HTR1E: variants seen among roughly 807,000 people sequenced by gnomAD.
The protein encoded by HTR1E is 5-hydroxytryptamine receptor 1E.
Under a neutral mutation model 3.4 loss-of-function variants are expected in HTR1E, and 3 were observed. The observed-to-expected ratio is 0.89, with a 90% CI of 0.41 to 2.31. The LOEUF (loss-of-function observed/expected upper bound fraction) is 2.31, where lower values mean the gene tolerates loss of function less well. HTR1E is among the 30% of genes most tolerant of loss of function. HTR1E has a pLI of 0.05. For synonymous variants in HTR1E, 170 were observed against 182.8 expected, an observed-to-expected ratio of 0.93 and a Z score of 0.56; for missense variants, 392 against 467.0, an observed-to-expected ratio of 0.84 and a Z score of 1.48.
intron 1 of HTR1E, among the ~76,000 whole-genome samples, chr6:86,979,973 C>G: frequency 6.6e-6 from 1 of 152,126 alleles, no homozygotes; most frequent in East Asian, 1.9e-4. Flanking sequence ...ATAAATACCC[C>G]ATTCTCACTC....
At chr6:86,979,675 C>G (rs1767684403) in intron 1 of HTR1E, among the ~76,000 whole-genome samples, 1 of 151,902 alleles carries the variant, frequency 6.6e-6, no homozygotes, top group Non-Finnish European at 1.5e-5. Flanking sequence ...ATGCCTGGAT[C>G]AATCAAAGTA....
At chr6:86,991,652 G>A (rs755390777) in intron 1 of HTR1E, among the ~76,000 whole-genome samples, 1 of 152,098 alleles carries the variant, frequency 6.6e-6, no homozygotes, top group Non-Finnish European at 1.5e-5. Flanking sequence ...AAAAGGAAAA[G>A]TGATGTTTGT....
intron 1 of HTR1E, among the ~76,000 whole-genome samples, chr6:86,982,950 G>C (rs748410443): frequency 1.3e-5 from 2 of 152,148 alleles, no homozygotes; most frequent in Non-Finnish European, 2.9e-5. Flanking sequence ...GGGAGTGAGA[G>C]AAAAAGAGAG....
chr6:86,993,567 CA>C (rs765234146), intron 1 of HTR1E, among the ~76,000 whole-genome samples: 2,779 of 125,112 alleles, frequency 0.022, 19 homozygotes, highest in Non-Finnish European at 0.03. Flanking sequence ...AAGCACTACC[CA>C]AAAAAAAAAA....
intron 1 of HTR1E, among the ~76,000 whole-genome samples, chr6:87,005,968 A>G (rs1768100848): frequency 6.6e-6 from 1 of 152,216 alleles, no homozygotes; most frequent in East Asian, 1.9e-4. Context: ...TAAAAATGGT[A>G]TATGAAAAGG....
At chr6:86,990,217 A>G (rs1433920306) in intron 1 of HTR1E, among the ~76,000 whole-genome samples, 2 of 152,212 alleles carry the variant, frequency 1.3e-5, no homozygotes, top group East Asian at 1.9e-4. Context: ...AAGTCATTTC[A>G]TTTTTTTAAA....
At chr6:86,943,495 G>C (rs1768572128) in intron 1 of HTR1E, among the ~76,000 whole-genome samples, 1 of 152,164 alleles carries the variant, frequency 6.6e-6, no homozygotes, top group Non-Finnish European at 1.5e-5. Context: ...CGTTACAATG[G>C]GGACAATAAT....
At chr6:86,999,206 C>A (rs544403875) in intron 1 of HTR1E, among the ~76,000 whole-genome samples, 2 of 152,232 alleles carry the variant, frequency 1.3e-5, no homozygotes, top group East Asian at 3.9e-4. Flanking sequence ...AAGTGATCTG[C>A]CCACCTCGGC....
rs949252160 is a variant in HTR1E, at chr6:86,945,559, G to A, written c.-186+7736G>A. Among the ~76,000 whole-genome samples the A allele has an allele frequency of 2.0e-5, 3 of 151,184 alleles. No homozygotes were observed. The South Asian group carries it at 6.3e-4, about 32-fold the overall frequency. ...AGTTTTTAACAAAAAAGTGTGAAAA[G>A]GAAAGAAAAAATTTAAAGTTTTAAA... On this transcript the variant is annotated intron_variant, in intron 1 of 1. Transcript: ENST00000305344.
intron 1 of HTR1E, among the ~76,000 whole-genome samples, chr6:86,964,013 A>G (rs1173340113): frequency 6.6e-6 from 1 of 152,144 alleles, no homozygotes; most frequent in East Asian, 1.9e-4. Flanking sequence ...AGCAAAAATT[A>G]CTCTACAGTT....
chr6:87,014,617 T>C (rs1465596956), intron 1 of HTR1E, among the ~76,000 whole-genome samples: 1 of 152,198 alleles, frequency 6.6e-6, no homozygotes, highest in Admixed American at 6.5e-5. Context: ...CATGGAATAC[T>C]ATGCAGCCAT....
At chr6:86,968,317 G>A (rs1767503270) in intron 1 of HTR1E, among the ~76,000 whole-genome samples, 1 of 152,176 alleles carries the variant, frequency 6.6e-6, no homozygotes, top group Admixed American at 6.5e-5. Flanking sequence ...AAGTATATAT[G>A]TAAGATAATT....
intron 1 of HTR1E, among the ~76,000 whole-genome samples, chr6:86,942,342 T>G (rs78675283): frequency 0.051 from 7,764 of 152,302 alleles, 219 homozygotes; most frequent in Middle Eastern, 0.078. Flanking sequence ...GTATACTTAC[T>G]TAAGTACCTT....
At chr6:86,996,988 TC>T (rs1767949309) in intron 1 of HTR1E, among the ~76,000 whole-genome samples, 2 of 151,836 alleles carry the variant, frequency 1.3e-5, no homozygotes, top group Non-Finnish European at 2.9e-5. Context: ...TCAAAAGAAT[TC>T]AGCAATATAT....
chr6:87,008,043 G>C (rs530737811), intron 1 of HTR1E, among the ~76,000 whole-genome samples: 2 of 152,126 alleles, frequency 1.3e-5, no homozygotes, highest in Non-Finnish European at 2.9e-5. Flanking sequence ...CAAAAGACTT[G>C]TATCCAGAGT....
Position 86,975,949 on chromosome 6 carries a change from T to A in HTR1E, c.-186+38126T>A, listed in dbSNP as rs990011434. Among the ~76,000 whole-genome samples the A allele has an allele frequency of 4.8e-3, 699 of 144,546 alleles. 2 individuals carry two copies. Among genetic ancestry groups the A allele is most frequent in the Non-Finnish European group, 7.0e-3 (460 of 65,566 alleles). The allele number at this position is 144,546 out of a possible 152,430, so 94.8% of individuals were successfully genotyped here. A position where few individuals can be genotyped will look rare whatever the true frequency, so the allele number is the denominator to read the frequency against. Reference sequence around the variant, plus strand: ...CACACACACACACACACACACACACTCTCTCTCTCTCTCCCATTCCTTTAC... The same window carrying A: ...CACACACACACACACACACACACACACTCTCTCTCTCTCCCATTCCTTTAC... On this transcript the variant is annotated intron_variant, in intron 1 of 1. Coordinates refer to ENST00000305344, the MANE Select transcript of HTR1E (RefSeq NM_000865.3).
chr6:86,967,466 G>A (rs1368643694), intron 1 of HTR1E, among the ~76,000 whole-genome samples: 1 of 152,090 alleles, frequency 6.6e-6, no homozygotes, highest in African/African-American at 2.4e-5. Flanking sequence ...GTGATTCAAT[G>A]GAGAGAAAGT....
intron 1 of HTR1E, among the ~76,000 whole-genome samples, chr6:87,012,708 A>G (rs1039197930): frequency 3.9e-5 from 6 of 152,242 alleles, no homozygotes; most frequent in Non-Finnish European, 7.3e-5. Context: ...AAACACTTAC[A>G]TAGTACTTAC....
At chr6:86,940,359 G>C (rs1768529935) in intron 1 of HTR1E, among the ~76,000 whole-genome samples, 1 of 152,036 alleles carries the variant, frequency 6.6e-6, no homozygotes, top group East Asian at 1.9e-4. Context: ...AAAATAATGA[G>C]AACTCATCTC....
Sources: gnomAD v4.1 joint callset for allele counts (sites outside exome capture counted in the v4.1 genomes callset) on GRCh38, gnomAD v4.1.1 for gene constraint, MANE v1.5 for transcripts, NCBI Gene and HGNC (gene_info 2026-07-23, HGNC 2026-07-21) for gene names.